The following ATG7 variants were observed in gnomAD, a reference collection of about 807,000 sequenced individuals.
The protein encoded by ATG7 is autophagy related 7, also known as ubiquitin-like modifier-activating enzyme ATG7.
In ATG7, 70 loss-of-function variants were observed where a neutral mutation model predicts 82.4. The observed-to-expected ratio is 0.85, with a 90% confidence interval of 0.70 to 1.04. The LOEUF (loss-of-function observed/expected upper bound fraction) is 1.04. ATG7 is among the 50% of genes least tolerant of loss of function. ATG7 has a pLI of 0.00. For synonymous variants in ATG7, 287 were observed against 313.0 expected, an observed-to-expected ratio of 0.92 and a Z score of 0.88; for missense variants, 792 against 864.3, an observed-to-expected ratio of 0.92 and a Z score of 1.05.
At chr3:11,513,737 G>C (rs1023918783) in intron 20 of ATG7, among the ~76,000 whole-genome samples, 1 of 152,226 alleles carries the variant, frequency 6.6e-6, no homozygotes, top group African/African-American at 2.4e-5. Context: ...CGCCAAAGTG[G>C]GAGCCCAGGC....
At chr3:11,539,136 T>C (rs922529391) in intron 20 of ATG7, among the ~76,000 whole-genome samples, 2 of 151,988 alleles carry the variant, frequency 1.3e-5, no homozygotes, top group South Asian at 2.1e-4. Flanking sequence ...TTCTCCATCA[T>C]TGTAAGCAAG....
Position 11,320,076 on chromosome 3 carries a change from C to T in ATG7, c.678+4583C>T, listed in dbSNP as rs138134486. ...GGCCTGGCCCCTGTGGGCATCCAGC[C>T]CCAAGTCATTCCGTGTTCCCTGCCA... On this transcript the variant is annotated intron_variant, in intron 9 of 20. Coordinates refer to ENST00000693202, the MANE Select transcript of ATG7 (RefSeq NM_001349232.2). Among the ~76,000 whole-genome samples, 71 of 152,286 alleles carry T rather than the reference C, an allele frequency of 4.7e-4. No homozygotes were observed. The East Asian group carries it at 0.013, about 27-fold the overall frequency.
chr3:11,495,544 GC>G (rs2090759737), intron 20 of ATG7, among the ~76,000 whole-genome samples: 1 of 152,136 alleles, frequency 6.6e-6, no homozygotes, highest in African/African-American at 2.4e-5. Context: ...GACTAGTTGT[GC>G]TCCAGAAGGG....
chr3:11,383,472 A>G (rs976203623), intron 19 of ATG7, among the ~76,000 whole-genome samples: 1 of 151,944 alleles, frequency 6.6e-6, no homozygotes, highest in Non-Finnish European at 1.5e-5. Context: ...CCTTTTCCAT[A>G]TTTCTGACTA....
rs186359172 is a variant in ATG7 at position 11,389,323 on chromosome 3, A to G, written c.1956+9271A>G. ...TACCCTTATGACTTGTTCATATAAC[A>G]TGTTATACTGTATTTATGATAGTGA... On this transcript the variant is annotated intron_variant, in intron 19 of 20. Transcript: ENST00000693202. Among the ~76,000 whole-genome samples the G allele has an allele frequency of 2.3e-3, 349 of 151,558 alleles. 3 individuals are homozygous for G. The highest frequency in any genetic ancestry group is 8.3e-3 in the African/African-American group (342 of 41,358).
intron 19 of ATG7, among the ~76,000 whole-genome samples, chr3:11,395,836 A>G (rs1238376082): frequency 1.3e-5 from 2 of 148,966 alleles, no homozygotes; most frequent in African/African-American, 4.9e-5. Context: ...GCTACTCGGG[A>G]GGCTGAGGCA....
At chr3:11,402,393 A>G (rs1036356224) in intron 19 of ATG7, among the ~76,000 whole-genome samples, 1 of 152,346 alleles carries the variant, frequency 6.6e-6, no homozygotes, top group Middle Eastern at 3.4e-3. Context: ...AGATTGTGCC[A>G]TTGCACTCCA....
chr3:11,470,218 C>G (rs1444798628), intron 20 of ATG7, among the ~76,000 whole-genome samples: 4 of 152,156 alleles, frequency 2.6e-5, no homozygotes, highest in Admixed American at 6.5e-5. Context: ...TGTAGTCACA[C>G]ATCACTTAAC....
intron 9 of ATG7, 142 bp from the exon 10 acceptor site, chr3:11,331,195 TCTC>T (rs904012450): frequency 1.6e-5 from 11 of 684,100 alleles, no homozygotes; most frequent in African/African-American, 1.3e-4. Flanking sequence ...GTGGCTTTCT[TCTC>T]CTCCCCTTAG....
At chr3:11,277,894 C>G (rs557191175) in intron 1 of ATG7, among the ~76,000 whole-genome samples, 7 of 119,046 alleles carry the variant, frequency 5.9e-5, no homozygotes, top group Non-Finnish European at 8.7e-5. Flanking sequence ...TTTATAGACC[C>G]CCCCCCCCCC....
chr3:11,417,805 A>G (rs201709024), intron 19 of ATG7, among the ~76,000 whole-genome samples: 1 of 52,742 alleles, frequency 1.9e-5, no homozygotes, highest in Non-Finnish European at 4.3e-5. Context: ...TTATTATTTT[A>G]TTTTATTTTA....
chr3:11,437,373 C>T (rs1330767385), intron 20 of ATG7, among the ~76,000 whole-genome samples: 1 of 152,172 alleles, frequency 6.6e-6, no homozygotes, highest in East Asian at 1.9e-4. Flanking sequence ...GGCCTACCAA[C>T]CAAATGCCTC....
chr3:11,504,837 C>T (rs966410029), intron 20 of ATG7, among the ~76,000 whole-genome samples: 1 of 152,024 alleles, frequency 6.6e-6, no homozygotes, highest in African/African-American at 2.4e-5. Flanking sequence ...AATGTCAACA[C>T]TGGATGTAGA....
At chr3:11,395,456 C>A (rs998281931) in intron 19 of ATG7, among the ~76,000 whole-genome samples, 1 of 152,058 alleles carries the variant, frequency 6.6e-6, no homozygotes, top group South Asian at 2.1e-4. Context: ...AATCAAACTT[C>A]AGAAAATGGA....
intron 12 of ATG7, 47 bp downstream of exon 12, chr3:11,340,782 GAC>G: frequency 6.5e-7 from 1 of 1,537,980 alleles, no homozygotes; most frequent in South Asian, 1.1e-5. Flanking sequence ...TTGTAACCAA[GAC>G]ACACACCAAG....
chr3:11,335,243 C>CATTTGTTTTATTAAACAA lies in ATG7; in HGVS notation c.889+2152_889+2153insTTGTTTTATTAAACAAAT, dbSNP rs1253361454. 7.8e-4 allele frequency among the ~76,000 whole-genome samples: 118 copies of CATTTGTTTTATTAAACAA among 152,238 alleles called. 1 individual carries two copies. The highest frequency in any genetic ancestry group is 6.8e-3 in the Middle Eastern group (2 of 294). On this transcript the variant is annotated intron_variant, in intron 11 of 20. Coordinates refer to ENST00000693202, the MANE Select transcript of ATG7 (RefSeq NM_001349232.2). ...ATAGCTCCTGTGTAATGTTAACTTA[C>CATTTGTTTTATTAAACAA]ATGCTATACCTTTGTTTTATTAAAC...
intron 20 of ATG7, among the ~76,000 whole-genome samples, chr3:11,493,105 G>A (rs1008792717): frequency 1.6e-4 from 24 of 152,228 alleles, no homozygotes; most frequent in Admixed American, 9.8e-4. Flanking sequence ...ATGAGGTCAC[G>A]TAGACGAATT....
intron 5 of ATG7, among the ~76,000 whole-genome samples, chr3:11,301,302 G>C (rs1429952058): frequency 1.3e-5 from 2 of 152,164 alleles, no homozygotes; most frequent in Non-Finnish European, 2.9e-5. Context: ...AATTGAAAAA[G>C]GCTACAGTGT....
chr3:11,365,929 G>T (rs561243912), intron 18 of ATG7, among the ~76,000 whole-genome samples: 7 of 152,188 alleles, frequency 4.6e-5, no homozygotes, highest in South Asian at 2.1e-4. Context: ...ACCCATAATA[G>T]AACTTGTGGG....
Sources: allele counts gnomAD v4.1 joint callset (sites outside exome capture counted in the v4.1 genomes callset), GRCh38; gene constraint gnomAD v4.1.1; transcripts MANE v1.5; gene names NCBI Gene and HGNC (gene_info 2026-07-23, HGNC 2026-07-21).